Variants in ZBTB41 observed in about 807,000 individuals in gnomAD.
The protein encoded by ZBTB41 is zinc finger and BTB domain-containing protein 41.
In ZBTB41, 42 loss-of-function variants were observed where a neutral mutation model predicts 87.6. The observed-to-expected ratio is 0.48, with a 90% CI of 0.37 to 0.62. The LOEUF (loss-of-function observed/expected upper bound fraction) is 0.62. Ranked by LOEUF, ZBTB41 falls within the 20% of genes least tolerant of loss-of-function variation. The pLI, the probability that ZBTB41 is intolerant of heterozygous loss-of-function variation, is 0.00. For missense variants in ZBTB41, 799 were observed against 1,078.9 expected, an observed-to-expected ratio of 0.74 and a Z score of 3.63; for synonymous variants, 364 against 364.0, an observed-to-expected ratio of 1.00 and a Z score of 0.00.
Position 197,200,061 on chromosome 1 carries a change from T to A in ZBTB41, c.413A>T (p.His138Leu), listed in dbSNP as rs755799697. Residue 138 changes from histidine (H) to leucine (L), a missense_variant, in exon 2 of 11, where the codon CAT becomes CTT. Transcript: ENST00000367405. ...TGATGTGTAAAGAAATTCAAGCAAA[T>A]GCTGAAAAACTGAATGTGTTACGTG... ...LDHVTHSVFQ[H>L]LLEFLYTSEF... 1.2e-6 allele frequency: 2 copies of A among 1,612,878 alleles called. No homozygotes were observed. Among genetic ancestry groups the A allele is most frequent in the Non-Finnish European group, 1.7e-6 (2 of 1,179,724 alleles).
intron 1 of ZBTB41, among the ~76,000 whole-genome samples, chr1:197,200,943 C>T (rs968067932): frequency 1.3e-5 from 2 of 152,100 alleles, no homozygotes; most frequent in Non-Finnish European, 2.9e-5. Flanking sequence ...ACAATAAGGC[C>T]GTGGCGGCCG....
chr1:197,161,292 ATTATT>A, intron 10 of ZBTB41, among the ~76,000 whole-genome samples: 1 of 152,290 alleles, frequency 6.6e-6, no homozygotes, highest in African/African-American at 2.4e-5. Context: ...ACACAAAGGC[ATTATT>A]TTAAAGCCAA....
In ZBTB41 at chr1:197,200,063, C is replaced by T. The variant is rs1294872415; in HGVS notation, c.411G>A (p.Gln137=). Residue 137 remains glutamine, a synonymous_variant, in exon 2 of 11, where the codon CAG becomes CAA. Coordinates refer to ENST00000367405, the MANE Select transcript of ZBTB41 (RefSeq NM_194314.3). Reference sequence around the variant, plus strand: ...ATGTGTAAAGAAATTCAAGCAAATGCTGAAAAACTGAATGTGTTACGTGAT... The same window carrying T: ...ATGTGTAAAGAAATTCAAGCAAATGTTGAAAAACTGAATGTGTTACGTGAT... ...TLDHVTHSVF[Q]HLLEFLYTSE... is the part of the protein sequence containing the mutation. 1.2e-6 allele frequency: 2 copies of T among 1,612,662 alleles called. No individual in the cohort carries two copies. Among genetic ancestry groups the T allele is most frequent in the African/African-American group, 1.3e-5 (1 of 74,784 alleles).
In ZBTB41 at chr1:197,156,097, C is replaced by G. The variant is rs1274558789; in HGVS notation, c.*3262G>C. The G allele has an allele frequency of 6.6e-6, 1 of 152,112 alleles. No individual in the cohort carries two copies. The highest frequency in any genetic ancestry group is 6.6e-5 in the Admixed American group (1 of 15,204). 9.4% of individuals were successfully genotyped at this position (152,112 alleles called of 1,614,324 possible). On this transcript the variant is annotated 3_prime_UTR_variant, in exon 11 of 11. Coordinates refer to ENST00000367405, the MANE Select transcript of ZBTB41 (RefSeq NM_194314.3). ...TAATTAAACTAAGGAAAACAGTATT[C>G]TCACTTATAATTGGTTTGTCAGTAT...
At chr1:197,187,118 C>T (rs978069890) in intron 5 of ZBTB41, among the ~76,000 whole-genome samples, 2 of 152,112 alleles carry the variant, frequency 1.3e-5, no homozygotes, top group African/African-American at 4.8e-5. Flanking sequence ...TAAAATGATA[C>T]AACTACTTTG....
At chr1:197,190,946 G>T in intron 3 of ZBTB41, 115 bp from the exon 4 acceptor site, 1 of 611,430 alleles carries the variant, frequency 1.6e-6, no homozygotes. Flanking sequence ...CTTTCATAAT[G>T]AGACAAGTAG....
At position 197,155,113 on chromosome 1, in the gene ZBTB41, G is replaced by A. The variant is rs1357272566; in HGVS notation, c.*4246C>T. On this transcript the variant is annotated 3_prime_UTR_variant, in exon 11 of 11. Transcript: ENST00000367405. Reference sequence around the variant, plus strand: ...GTTATTTAAAAGACAGAGAAACAGAGACACAGATGCAGACACACTACTCAT... The same window carrying A: ...GTTATTTAAAAGACAGAGAAACAGAAACACAGATGCAGACACACTACTCAT... 2 of 152,298 alleles carry A rather than the reference G, an allele frequency of 1.3e-5. No individual in the cohort carries two copies. Among genetic ancestry groups the A allele is most frequent in the Admixed American group, 1.3e-4 (2 of 15,242 alleles). 9.4% of individuals were successfully genotyped at this position (152,298 alleles called of 1,614,324 possible).
intron 5 of ZBTB41, among the ~76,000 whole-genome samples, chr1:197,187,422 C>T (rs1262381123): frequency 3.9e-5 from 6 of 152,198 alleles, no homozygotes; most frequent in Admixed American, 3.9e-4. Flanking sequence ...TCCATGGATG[C>T]TCCAGTCCGT....
At chr1:197,199,126 G>C (rs1229644192) in intron 2 of ZBTB41, among the ~76,000 whole-genome samples, 1 of 152,090 alleles carries the variant, frequency 6.6e-6, no homozygotes, top group Non-Finnish European at 1.5e-5. Flanking sequence ...CTAATGATGT[G>C]TCACTGGGAG....
chr1:197,175,253 T>G (rs10801593), intron 8 of ZBTB41, 138 bp from the exon 9 acceptor site: 519,348 of 607,020 alleles, frequency 0.86, 229,710 homozygotes, highest in East Asian at 0.98. Flanking sequence ...CTGCACTATT[T>G]GCTTTATATT....
chr1:197,189,381 T>C (rs1002172022), intron 4 of ZBTB41, among the ~76,000 whole-genome samples: 17 of 151,612 alleles, frequency 1.1e-4, no homozygotes, highest in African/African-American at 3.1e-4. Context: ...CAAAAATTAG[T>C]TGGGCGTGGT....
At position 197,199,538 on chromosome 1, in the gene ZBTB41, C is replaced by T. The variant is rs1187050022; in HGVS notation, c.936G>A (p.Glu312=). The part of the protein sequence containing the change: ...YNAEEDELEE[E]MSDEYSDIEE... Reference sequence around the variant, plus strand: ...CAATGTCAGAGTACTCATCTGACATCTCCTCCTCTAGCTCATCTTCTTCAG... The same window carrying T: ...CAATGTCAGAGTACTCATCTGACATTTCCTCCTCTAGCTCATCTTCTTCAG... Residue 312 remains glutamate (E), a synonymous_variant, in exon 2 of 11, where the codon GAG becomes GAA. Coordinates refer to ENST00000367405, the MANE Select transcript of ZBTB41 (RefSeq NM_194314.3). 2.5e-6 allele frequency: 4 copies of T among 1,609,740 alleles called. No homozygotes were observed. In the Admixed American group the frequency reaches 5.1e-5, roughly 20 times the overall value.
At position 197,197,786 on chromosome 1, in the gene ZBTB41, A is replaced by G. The variant is rs529502892; in HGVS notation, c.1120+1568T>C. 1.3e-4 allele frequency among the ~76,000 whole-genome samples: 20 copies of G among 152,332 alleles called. No homozygotes were observed. The South Asian group carries it at 3.9e-3, about 30-fold the overall frequency. Reference sequence around the variant, plus strand: ...AGCAAAATCAACAGGTTTCTTTACTAAAGAATTGGGCAGTTAAAACCGATT... The same window carrying G: ...AGCAAAATCAACAGGTTTCTTTACTGAAGAATTGGGCAGTTAAAACCGATT... On this transcript the variant is annotated intron_variant, in intron 2 of 10. Transcript: ENST00000367405.
At chr1:197,174,311 G>T (rs1418534835) in intron 9 of ZBTB41, among the ~76,000 whole-genome samples, 1 of 152,124 alleles carries the variant, frequency 6.6e-6, no homozygotes, top group Non-Finnish European at 1.5e-5. Context: ...TCAGAGGTCA[G>T]ATTGCAACAG....
chr1:197,155,454 A>C lies in ZBTB41; in HGVS notation c.*3905T>G, dbSNP rs1659043928. 6.6e-6 allele frequency: 1 copy of C among 152,400 alleles called. No homozygotes were observed. Among genetic ancestry groups the C allele is most frequent in the South Asian group, 2.1e-4 (1 of 4,832 alleles). The allele number at this position is 152,400 out of a possible 1,614,324, so 9.4% of individuals were successfully genotyped here. On this transcript the variant is annotated 3_prime_UTR_variant, in exon 11 of 11. Transcript: ENST00000367405. The stretch of plus-strand genomic sequence containing the variant: ...AACTACAACACATCGAAAAGGCACA[A>C]AGCATTCAATGCAGAAAAGACTGGG...
chr1:197,168,829 A>G (rs1325214241), intron 10 of ZBTB41, among the ~76,000 whole-genome samples: 2 of 152,084 alleles, frequency 1.3e-5, no homozygotes, highest in Admixed American at 1.3e-4. Context: ...CATAGAGGAG[A>G]AGGTATCTGT....
intron 7 of ZBTB41, 118 bp downstream of exon 7, chr1:197,178,299 C>T: frequency 3.4e-6 from 2 of 595,352 alleles, no homozygotes; most frequent in Non-Finnish European, 5.3e-6. Context: ...TTTTGCACAA[C>T]TTTGCATATC....
chr1:197,200,156 A>C lies in ZBTB41; in HGVS notation c.318T>G (p.Val106=). 6.2e-7 allele frequency: 1 copy of C among 1,614,000 alleles called. No homozygotes were observed. The highest frequency in any genetic ancestry group is 8.5e-7 in the Non-Finnish European group (1 of 1,180,028). The part of the protein sequence containing the change: ...GKEFSAHKVV[V]AVGSSYFHAC... ...CATGAAAATAACTACTGCCGACAGC[A>C]ACGACTACTTTATGTGCACTAAATT... The change falls in exon 2 of 11, where the codon GTT becomes GTG. Residue 106 remains valine, a synonymous_variant. Coordinates refer to ENST00000367405, the MANE Select transcript of ZBTB41 (RefSeq NM_194314.3).
chr1:197,181,074 A>G lies in ZBTB41; in HGVS notation c.1590T>C (p.Thr530=), dbSNP rs910252883. 3.7e-6 allele frequency: 6 copies of G among 1,604,930 alleles called. No homozygotes were observed. The highest frequency in any genetic ancestry group is 2.7e-5 in the African/African-American group (2 of 74,278). ...CDICGRQFND[T]GNLKRHIECT... ...ATTCTATATGACGTTTCAAATTTCC[A>G]GTGTCGTTAAACTGGCGACCACATA... The change falls in exon 6 of 11, where the codon ACT becomes ACC. Residue 530 remains threonine, a synonymous_variant. Transcript: ENST00000367405.
Sources: allele counts gnomAD v4.1 joint callset (sites outside exome capture counted in the v4.1 genomes callset), GRCh38; gene constraint gnomAD v4.1.1; transcripts MANE v1.5; gene names NCBI Gene and HGNC (gene_info 2026-07-23, HGNC 2026-07-21).